Variants in HPS5 observed in about 807,000 individuals in gnomAD.
The protein encoded by HPS5 is HPS5 biogenesis of lysosomal organelles complex 2 subunit 2.
In HPS5, 83 loss-of-function variants were observed where a neutral mutation model predicts 128.0. That is an observed-to-expected ratio of 0.65 (90% confidence interval 0.54 to 0.78). The LOEUF (loss-of-function observed/expected upper bound fraction) is 0.78. Among genes scored for constraint, HPS5 ranks in the 30% least tolerant of loss-of-function variants. The probability of loss-of-function intolerance (pLI) is 0.00; values close to 1 mark genes in which losing one functional copy is unlikely to be tolerated. For missense variants in HPS5, 1,281 were observed against 1,326.2 expected (o/e 0.97, Z 0.53); for synonymous variants, 475 against 470.2 (o/e 1.01, Z -0.13).
Position 18,295,023 on chromosome 11 carries a change from G to C in HPS5, c.1781C>G (p.Thr594Ser). 2.5e-6 allele frequency: 4 copies of C among 1,614,070 alleles called. No homozygotes were observed. Among genetic ancestry groups the C allele is most frequent in the Non-Finnish European group, 3.4e-6 (4 of 1,179,982 alleles). Residue 594 changes from threonine (T) to serine (S), a missense_variant, in exon 14 of 23, where the codon ACT becomes AGT. Physicochemically the swap from Thr to Ser is moderately conservative, Grantham distance 58 (BLOSUM62 1). Coordinates refer to ENST00000349215, the MANE Select transcript of HPS5 (RefSeq NM_181507.2). ...AGATTTATGTGTAAGGGCTTACTCAGTGTCTTCCTCCTTTGGGCAGGTATC... is the reference window on the plus strand; with the variant it reads ...AGATTTATGTGTAAGGGCTTACTCACTGTCTTCCTCCTTTGGGCAGGTATC... ...SSDTCPKEED[T>S]EEEKEVTSPP... is the part of the protein sequence containing the mutation.
intron 18 of HPS5, among the ~76,000 whole-genome samples, chr11:18,287,196 G>A (rs2134246871): frequency 6.6e-6 from 1 of 152,246 alleles, no homozygotes; most frequent in East Asian, 1.9e-4. Flanking sequence ...GAGAAGAGCT[G>A]GAACTGAGAT....
In HPS5 at chr11:18,291,939, T is replaced by C; in HGVS notation, c.1943A>G (p.Glu648Gly). 1.2e-6 allele frequency: 2 copies of C among 1,608,784 alleles called. No individual in the cohort carries two copies. The highest frequency in any genetic ancestry group is 1.7e-6 in the Non-Finnish European group (2 of 1,178,708). The change falls in exon 16 of 23, where the codon GAA becomes GGA. Residue 648 changes from glutamate to glycine, a missense_variant. Transcript: ENST00000349215. ...MVLQEWLSHL[E>G]KTFAMKDFSG... ...AAAGTCCTTCATGGCAAATGTTTTTTCTAAATGTGAAAGCCACTCCTGTAA... is the reference window on the plus strand; with the variant it reads ...AAAGTCCTTCATGGCAAATGTTTTTCCTAAATGTGAAAGCCACTCCTGTAA...
At chr11:18,284,172 A>C (rs908641823) in intron 20 of HPS5, among the ~76,000 whole-genome samples, 1 of 152,066 alleles carries the variant, frequency 6.6e-6, no homozygotes, top group African/African-American at 2.4e-5. Flanking sequence ...CTAGGGAAAA[A>C]AAAAAAACAA....
At chr11:18,302,842 G>C (rs935972966) in intron 8 of HPS5, among the ~76,000 whole-genome samples, 1 of 116,014 alleles carries the variant, frequency 8.6e-6, no homozygotes, top group African/African-American at 3.1e-5. Flanking sequence ...GGGGGTGTCA[G>C]AGGATCCCTG....
intron 21 of HPS5, among the ~76,000 whole-genome samples, chr11:18,282,878 G>A (rs1859186713): frequency 1.3e-5 from 2 of 152,170 alleles, no homozygotes; most frequent in Non-Finnish European, 1.5e-5. Flanking sequence ...ACATATGCAT[G>A]GGGCCCACAT....
Position 18,296,822 on chromosome 11 carries a change from A to G in HPS5, c.1486T>C (p.Cys496Arg). 6.2e-7 allele frequency: 1 copy of G among 1,614,074 alleles called. No homozygotes were observed. Among genetic ancestry groups the G allele is most frequent in the Non-Finnish European group, 8.5e-7 (1 of 1,180,000 alleles). Residue 496 changes from cysteine (C) to arginine (R), a missense_variant, in exon 12 of 23, where the codon TGT (cysteine) becomes CGT (arginine). Physicochemically the swap from Cys to Arg is radical, Grantham distance 180. Transcript: ENST00000349215. ...SQQEEDLPDQ[C>R]CGSHGNEDNV... ...CCTTCATTTCCGTGTGAGCCACAAC[A>G]CTGATCTGGCAGGTCCTCTTCCTGC...
chr11:18,295,267 G>C, intron 13 of HPS5, 98 bp from the exon 14 acceptor site: 1 of 1,171,646 alleles, frequency 8.5e-7, no homozygotes. Flanking sequence ...AAGTCCTAGG[G>C]AGGCAACTTG....
At chr11:18,307,585 ACTTT>A (rs1346918743) in intron 6 of HPS5, among the ~76,000 whole-genome samples, 5 of 152,164 alleles carry the variant, frequency 3.3e-5, no homozygotes, top group Admixed American at 6.5e-5. Flanking sequence ...CATTAATCTT[ACTTT>A]CTATTATTTT....
In HPS5 at chr11:18,306,295, A is replaced by G; in HGVS notation, c.664T>C (p.Cys222Arg). 1.2e-6 allele frequency: 2 copies of G among 1,614,174 alleles called. No homozygotes were observed. Among genetic ancestry groups the G allele is most frequent in the Non-Finnish European group, 1.7e-6 (2 of 1,180,020 alleles). ...NKERDGEYGA[C>R]FFPGRCSGGQ... The stretch of plus-strand genomic sequence containing the variant: ...CCAGAACATCTTCCAGGAAAGAAAC[A>G]AGCTCCATATTCTCCATCTCTTTCC... The change falls in exon 7 of 23, where the codon TGT becomes CGT. Residue 222 changes from cysteine to arginine, a missense_variant. Cys to Arg is a radical substitution (Grantham distance 180). Transcript: ENST00000349215.
chr11:18,287,966 G>C lies in HPS5; in HGVS notation c.2488C>G (p.Leu830Val), dbSNP rs764949778. ...TCTAGTAACTTTAACCTTGTTGGTA[G>C]ATCTCCTTTTTCCATCTCCATATAC... ...PVYMEMEKGDLPTRLKLLDDE... is the reference protein window; with the variant it reads ...PVYMEMEKGDVPTRLKLLDDE... Residue 830 changes from leucine to valine, a missense_variant, in exon 17 of 23, where the codon CTA (leucine) becomes GTA (valine). Leu to Val is a conservative substitution (Grantham distance 32). Transcript: ENST00000349215. The C allele has an allele frequency of 6.2e-7, 1 of 1,613,840 alleles. No individual in the cohort carries two copies. Among genetic ancestry groups the C allele is most frequent in the Admixed American group, 1.7e-5 (1 of 60,022 alleles).
At chr11:18,294,434 A>G (rs1860810159) in intron 14 of HPS5, among the ~76,000 whole-genome samples, 1 of 152,124 alleles carries the variant, frequency 6.6e-6, no homozygotes, top group South Asian at 2.1e-4. Context: ...TGACATTCCC[A>G]AAGTCACATA....
At chr11:18,310,701 G>GT in intron 5 of HPS5, 40 bp downstream of exon 5, 1 of 1,446,622 alleles carries the variant, frequency 6.9e-7, no homozygotes, top group Non-Finnish European at 9.6e-7. Context: ...ACAACACCTT[G>GT]TATCTCACTA....
At chr11:18,289,103 C>G (rs1860094396) in intron 16 of HPS5, among the ~76,000 whole-genome samples, 1 of 152,152 alleles carries the variant, frequency 6.6e-6, no homozygotes, top group Non-Finnish European at 1.5e-5. Context: ...AAAGCTGTTT[C>G]CCATAATTAT....
At position 18,301,227 on chromosome 11, in the gene HPS5, G is replaced by A. The variant is rs559479602; in HGVS notation, c.897-311C>T. ...TCCCAGCACTTTGGGAGGCCAAGGT[G>A]GGTGGATCACTTGAGGTCAGGAGTT... is the stretch of plus-strand genomic sequence containing the variant. On this transcript the variant is annotated intron_variant, in intron 8 of 22. Transcript: ENST00000349215. Among the ~76,000 whole-genome samples the A allele has an allele frequency of 8.1e-4, 124 of 152,192 alleles. 1 individual carries two copies. Among genetic ancestry groups the A allele is most frequent in the African/African-American group, 2.6e-3 (106 of 41,538 alleles).
intron 11 of HPS5, 151 bp from the exon 12 acceptor site, chr11:18,297,135 T>A (rs1245787280): frequency 3.0e-6 from 2 of 658,814 alleles, no homozygotes; most frequent in East Asian, 5.4e-5. Context: ...AAGGCTTAGG[T>A]GCCTGGCAGC....
chr11:18,303,379 GAAAT>G (rs1861958328), intron 8 of HPS5, among the ~76,000 whole-genome samples: 3 of 152,214 alleles, frequency 2.0e-5, no homozygotes, highest in Non-Finnish European at 2.9e-5. Flanking sequence ...TACATGCACA[GAAAT>G]AGGTTGTCTA....
chr11:18,296,790 T>A lies in HPS5; in HGVS notation c.1510+8A>T. ...ACATCAGGAACCAACAACAGACACA[T>A]TCATCACCTTCATTTCCGTGTGAGC... On this transcript the variant is annotated splice_region_variant and intron_variant, in intron 12 of 22. Coordinates refer to ENST00000349215, the MANE Select transcript of HPS5 (RefSeq NM_181507.2). 1 of 1,613,562 alleles carries A rather than the reference T, an allele frequency of 6.2e-7. No homozygotes were observed.
At chr11:18,283,617 A>T (rs1859316081) in intron 21 of HPS5, among the ~76,000 whole-genome samples, 178 bp downstream of exon 21, 1 of 152,192 alleles carries the variant, frequency 6.6e-6, no homozygotes, top group Admixed American at 6.5e-5. Context: ...TTCATAACAT[A>T]TCAAGGGCTA....
chr11:18,319,255 C>CCACACACACACACA (rs10531816), intron 1 of HPS5, among the ~76,000 whole-genome samples: 41 of 139,214 alleles, frequency 2.9e-4, no homozygotes, highest in African/African-American at 8.4e-4. Context: ...AAGACAAATA[C>CCACACACACACACA]CACACACACA....
Sources: allele counts gnomAD v4.1 joint callset (sites outside exome capture counted in the v4.1 genomes callset), GRCh38; gene constraint gnomAD v4.1.1; transcripts MANE v1.5; gene names NCBI Gene and HGNC (gene_info 2026-07-23, HGNC 2026-07-21).